Variants in ADAMTS13 observed in about 807,000 individuals in gnomAD.
The protein encoded by ADAMTS13 is A disintegrin and metalloproteinase with thrombospondin motifs 13.
ADAMTS13 carries 110 observed loss-of-function variants against 155.1 expected under a neutral mutation model. The observed-to-expected ratio is 0.71, with a 90% CI of 0.61 to 0.83. The LOEUF (loss-of-function observed/expected upper bound fraction) is 0.83, where lower values mean the gene tolerates loss of function less well. ADAMTS13 is among the 40% of genes least tolerant of loss of function. The pLI is 0.00. For synonymous variants in ADAMTS13, 758 were observed against 756.4 expected, an observed-to-expected ratio of 1.00 and a Z score of -0.03; for missense variants, 1,707 against 1,891.7, an observed-to-expected ratio of 0.90 and a Z score of 1.81.
intron 16 of ADAMTS13, 114 bp from the exon 17 acceptor site, chr9:133,442,285 G>A (rs1841728453): frequency 6.5e-7 from 1 of 1,544,680 alleles, no homozygotes; most frequent in African/African-American, 1.4e-5. Context: ...ATTGCTTGCT[G>A]AACGAAAGAT....
rs1341746064 is a variant in ADAMTS13 at position 133,442,385 on chromosome 9, C to T, written c.1969-14C>T. On this transcript the variant is annotated splice_polypyrimidine_tract_variant and intron_variant, in intron 16 of 28. Transcript: ENST00000355699. ...GGAACCCACTGGACAAGGCCTGAAG[C>T]TCTTTGTCTGCAGGTTTACAGGCGG... 1.9e-6 allele frequency: 3 copies of T among 1,613,930 alleles called. No individual in the cohort carries two copies. The Admixed American group carries it at 5.0e-5, about 27-fold the overall frequency.
chr9:133,454,349 G>T, intron 23 of ADAMTS13, 66 bp from the exon 24 acceptor site: 1 of 1,575,112 alleles, frequency 6.3e-7, no homozygotes. Flanking sequence ...GTGGAGAGGG[G>T]CCTGCGTGGG....
chr9:133,422,204 G>T, upstream of ADAMTS13: 1 of 596,088 alleles, frequency 1.7e-6, no homozygotes, highest in Non-Finnish European at 3.0e-6. Flanking sequence ...TGCAGGACTG[G>T]GCTGCAGGTT....
chr9:133,443,593 G>T, intron 19 of ADAMTS13, 32 bp downstream of exon 19: 1 of 1,516,392 alleles, frequency 6.6e-7, no homozygotes, highest in Non-Finnish European at 8.8e-7. Flanking sequence ...GCTGGGAGAG[G>T]GCCTTCCTGG....
intron 24 of ADAMTS13, 54 bp downstream of exon 24, chr9:133,454,673 T>G: frequency 6.5e-7 from 1 of 1,536,606 alleles, no homozygotes; most frequent in Non-Finnish European, 8.7e-7. Context: ...GCATCAGCTG[T>G]GGCTCCTCAT....
chr9:133,433,850 C>CT, intron 11 of ADAMTS13, 146 bp downstream of exon 11: 1 of 975,232 alleles, frequency 1.0e-6, no homozygotes, highest in South Asian at 1.4e-5. Context: ...AATCCCAGCA[C>CT]TTTGGGAGGC....
chr9:133,458,527 G>A lies in ADAMTS13; in HGVS notation c.3909+433G>A, dbSNP rs1441401034. 2.7e-5 allele frequency among the ~76,000 whole-genome samples: 3 copies of A among 112,202 alleles called. No homozygotes were observed. The South Asian group carries it at 9.7e-4, about 36-fold the overall frequency. 73.6% of individuals were successfully genotyped at this position (112,202 alleles called of 152,430 possible). A position where few individuals can be genotyped will look rare whatever the true frequency, so the allele number is the denominator to read the frequency against. On this transcript the variant is annotated intron_variant, in intron 28 of 28. Coordinates refer to ENST00000355699, the MANE Select transcript of ADAMTS13 (RefSeq NM_139027.6). Reference sequence around the variant, plus strand: ...GCCCAGATCGCACCACTGCACTCCAGCCTGGGCAACAGAGTGAGACTCTGT... The same window carrying A: ...GCCCAGATCGCACCACTGCACTCCAACCTGGGCAACAGAGTGAGACTCTGT...
At chr9:133,430,192 G>A (rs1840647771) in intron 8 of ADAMTS13, 91 bp downstream of exon 8, 3 of 1,509,178 alleles carry the variant, frequency 2.0e-6, no homozygotes, top group Admixed American at 3.9e-5. Context: ...GTGAGAACCT[G>A]CTGGGTGCCG....
At chr9:133,418,324 A>G (rs1839802578), upstream of ADAMTS13, among the ~76,000 whole-genome samples, 3 of 152,220 alleles carry the variant, frequency 2.0e-5, no homozygotes, top group Admixed American at 2.0e-4. Flanking sequence ...GAGCCGGGCT[A>G]GGTCGCTCGC....
At chr9:133,430,403 A>T (rs142714196) in intron 8 of ADAMTS13, among the ~76,000 whole-genome samples, 62 of 152,226 alleles carry the variant, frequency 4.1e-4, no homozygotes, top group African/African-American at 1.3e-3. Context: ...GTTACCAAGG[A>T]CTTCCCCATC....
intron 11 of ADAMTS13, among the ~76,000 whole-genome samples, chr9:133,434,505 C>T (rs924801110): frequency 6.6e-6 from 1 of 152,126 alleles, no homozygotes; most frequent in Non-Finnish European, 1.5e-5. Context: ...AGGGGTTTCA[C>T]CGTGTTAGCC....
chr9:133,422,542 CCAG>C lies in ADAMTS13; in HGVS notation c.103_105del (p.Gln35del). On this transcript the variant is annotated inframe_deletion, in exon 1 of 29. Coordinates refer to ENST00000355699, the MANE Select transcript of ADAMTS13 (RefSeq NM_139027.6). ...TGGGCTGCTGGGGACCCTCCCATTT[CCAG>C]CAGGTGGGCTCATTTGCAGGAGCGG... 6.2e-7 allele frequency: 1 copy of C among 1,614,084 alleles called. No individual in the cohort carries two copies. Among genetic ancestry groups the C allele is most frequent in the Non-Finnish European group, 8.5e-7 (1 of 1,179,988 alleles).
At chr9:133,418,033 C>T, upstream of ADAMTS13, 2 of 595,472 alleles carry the variant, frequency 3.4e-6, no homozygotes, top group South Asian at 2.1e-5. Flanking sequence ...ACGCTCCAGT[C>T]CCCGGAAGCG....
chr9:133,435,108 C>G (rs1274507868), intron 11 of ADAMTS13, among the ~76,000 whole-genome samples: 1 of 152,188 alleles, frequency 6.6e-6, no homozygotes, highest in Non-Finnish European at 1.5e-5. Flanking sequence ...ATGTTTGAAT[C>G]CCTGTTTTCA....
Position 133,456,431 on chromosome 9 carries a change from T to TA in ADAMTS13, c.3548-111dup. 1 of 1,436,908 alleles carries TA rather than the reference T, an allele frequency of 7.0e-7. No individual in the cohort carries two copies. The highest frequency in any genetic ancestry group is 2.4e-5 in the East Asian group (1 of 41,278). The allele number at this position is 1,436,908 out of a possible 1,614,324, so 89.0% of individuals were successfully genotyped here. ...ATGTGCCCAGTTACTTAGAGTCACA[T>TA]AGCCAGCAGTGGGAGAGGTGGGACT... is the stretch of plus-strand genomic sequence containing the variant. On this transcript the variant is annotated intron_variant, in intron 26 of 28. Coordinates refer to ENST00000355699, the MANE Select transcript of ADAMTS13 (RefSeq NM_139027.6). This position sits in a 1 kb window ranked among gnomAD's most constrained non-coding sequence, Gnocchi z 4.4.
intron 13 of ADAMTS13, 46 bp downstream of exon 13, chr9:133,437,943 C>T: frequency 6.2e-7 from 1 of 1,611,336 alleles, no homozygotes. Context: ...CCTACCTGTC[C>T]TATCGGAAGG....
exon 1 of ADAMTS13, chr9:133,414,568 G>A (rs782763892): frequency 9.7e-7 from 1 of 1,030,786 alleles, no homozygotes; most frequent in Non-Finnish European, 1.5e-6. Flanking sequence ...GTAAAGTGAT[G>A]GAGAGACTGC....
Position 133,456,572 on chromosome 9 carries a change from A to G in ADAMTS13, c.3577A>G (p.Thr1193Ala). The change falls in exon 27 of 29, where the codon ACC (threonine) becomes GCC (alanine). Residue 1193 changes from threonine (T) to alanine (A), a missense_variant. Around this residue, in one of 3 missense-constraint regions of ADAMTS13, gnomAD observed 961 missense variants for 1,107.9 expected, o/e 0.87. Coordinates refer to ENST00000355699, the MANE Select transcript of ADAMTS13 (RefSeq NM_139027.6). This position sits in a 1 kb window ranked among gnomAD's most constrained non-coding sequence, Gnocchi z 4.4. ...CATGTTGCTGCTTTGGGGCCGGCTC[A>G]CCTGGAGGAAGATGTGCAGGAAGCT... Reference protein sequence around the residue: ...GDMLLLWGRLTWRKMCRKLLD... With the variant: ...GDMLLLWGRLAWRKMCRKLLD... 12 of 1,613,490 alleles carry G rather than the reference A, an allele frequency of 7.4e-6. No individual in the cohort carries two copies. The highest frequency in any genetic ancestry group is 9.3e-6 in the Non-Finnish European group (11 of 1,179,948).
At chr9:133,430,602 C>T (rs1326329491) in intron 8 of ADAMTS13, among the ~76,000 whole-genome samples, 1 of 152,068 alleles carries the variant, frequency 6.6e-6, no homozygotes, top group Non-Finnish European at 1.5e-5. Context: ...TGGGCCCCTT[C>T]CTCCACAAAA....
Sources: allele counts gnomAD v4.1 joint callset (sites outside exome capture counted in the v4.1 genomes callset), GRCh38; gene constraint gnomAD v4.1.1; regional missense constraint gnomAD v4.1.1; non-coding constraint Gnocchi (gnomAD v3.1); transcripts MANE v1.5; gene names NCBI Gene and HGNC (gene_info 2026-07-23, HGNC 2026-07-21).